The following PSMD12 variants were observed in gnomAD, a reference collection of about 807,000 sequenced individuals.
The protein encoded by PSMD12 is 26S proteasome non-ATPase regulatory subunit 12.
A neutral mutation model predicts 62.9 loss-of-function variants in PSMD12; 8 were observed. That is an observed-to-expected ratio of 0.13 (90% confidence interval 0.07 to 0.23). PSMD12 has a LOEUF of 0.23. PSMD12 is among the 10% of genes least tolerant of loss of function. The pLI is 1.00. For missense variants in PSMD12, 424 were observed against 550.2 expected (o/e 0.77, Z 2.29); for synonymous variants, 173 against 187.4 (o/e 0.92, Z 0.63).
Position 67,350,252 on chromosome 17 carries a change from G to C in PSMD12, c.382C>G (p.Leu128Val). The C allele has an allele frequency of 6.2e-7, 1 of 1,611,498 alleles. No individual in the cohort carries two copies. The highest frequency in any genetic ancestry group is 8.5e-7 in the Non-Finnish European group (1 of 1,178,576). ...ACCTTGCCTTCGGTAACCATTCGTA[G>C]AGTATCAATTAATCGAAGTTTGATA... is the stretch of plus-strand genomic sequence containing the variant. ...LPIKLRLIDT[L>V]RMVTEGKIYV... The change falls in exon 4 of 11, where the codon CTA becomes GTA. Residue 128 changes from leucine to valine, a missense_variant. Transcript: ENST00000356126.
chr17:67,342,788 T>C (rs574027185), intron 9 of PSMD12, among the ~76,000 whole-genome samples: 6 of 151,978 alleles, frequency 3.9e-5, no homozygotes, highest in African/African-American at 1.4e-4. Flanking sequence ...ATTTAAAAAT[T>C]AGCTGAATAT....
intron 1 of PSMD12, among the ~76,000 whole-genome samples, chr17:67,361,972 G>A (rs191283609): frequency 7.9e-6 from 1 of 125,944 alleles, no homozygotes; most frequent in East Asian, 2.7e-4. Flanking sequence ...TAGGCCTAGT[G>A]TTCCATTACT....
At chr17:67,345,900 A>C in intron 7 of PSMD12, 43 bp from the exon 8 acceptor site, 2 of 1,515,810 alleles carry the variant, frequency 1.3e-6, no homozygotes, top group Non-Finnish European at 1.8e-6. Context: ...ACTGGACATA[A>C]TGGAAACTTT....
intron 3 of PSMD12, among the ~76,000 whole-genome samples, chr17:67,352,079 T>A (rs866760809): frequency 3.2e-4 from 44 of 135,934 alleles, no homozygotes; most frequent in Middle Eastern, 3.7e-3. Flanking sequence ...AGAATCTCTC[T>A]CAAAAAAAAA....
At chr17:67,362,661 C>CA (rs1317675465) in intron 1 of PSMD12, 2,961 of 51,434 alleles carry the variant, frequency 0.058, 100 homozygotes, top group African/African-American at 0.15. Flanking sequence ...GAGTCCATCT[C>CA]AAAAAAAAAA....
At position 67,345,977 on chromosome 17, in the gene PSMD12, C is replaced by T. The variant is rs1487329196; in HGVS notation, c.796-120G>A. 1.5e-5 allele frequency: 13 copies of T among 868,762 alleles called. 1 individual carries two copies. The Admixed American group carries it at 2.3e-4, about 16-fold the overall frequency. 53.8% of individuals were successfully genotyped at this position (868,762 alleles called of 1,614,324 possible). ...CAAATTTTAAAGTCTTGGCCGGGCGCAGTGGCTCACGTCTGTAATCCCAGC... is the reference window on the plus strand; with the variant it reads ...CAAATTTTAAAGTCTTGGCCGGGCGTAGTGGCTCACGTCTGTAATCCCAGC... On this transcript the variant is annotated intron_variant, in intron 7 of 10. Transcript: ENST00000356126.
At position 67,341,039 on chromosome 17, in the gene PSMD12, A is replaced by G; in HGVS notation, c.1175T>C (p.Phe392Ser). 1 of 1,550,410 alleles carries G rather than the reference A, an allele frequency of 6.4e-7. No homozygotes were observed. The highest frequency in any genetic ancestry group is 8.6e-7 in the Non-Finnish European group (1 of 1,156,190). Reference sequence around the variant, plus strand: ...CTTGTTAACTACTAGATTTGAGAGAAAGGCTTCGGACTCCTGCAAGAGAGA... The same window carrying G: ...CTTGTTAACTACTAGATTTGAGAGAGAGGCTTCGGACTCCTGCAAGAGAGA... Reference protein sequence around the residue: ...LDLSVDESEAFLSNLVVNKTI... With the variant: ...LDLSVDESEASLSNLVVNKTI... The change falls in exon 11 of 11, where the codon TTT becomes TCT. Residue 392 changes from phenylalanine to serine, a missense_variant. Transcript: ENST00000356126.
chr17:67,365,116 G>C (rs533821668), intron 1 of PSMD12, among the ~76,000 whole-genome samples: 6 of 151,926 alleles, frequency 3.9e-5, no homozygotes, highest in African/African-American at 1.5e-4. Context: ...CCCGGGAGGC[G>C]GGGGTTGCAG....
Position 67,357,445 on chromosome 17 carries a change from A to G in PSMD12, c.169-14T>C, listed in dbSNP as rs1430585745. 1 of 1,613,454 alleles carries G rather than the reference A, an allele frequency of 6.2e-7. No homozygotes were observed. Among genetic ancestry groups the G allele is most frequent in the Non-Finnish European group, 8.5e-7 (1 of 1,179,608 alleles). On this transcript the variant is annotated splice_polypyrimidine_tract_variant and intron_variant, in intron 2 of 10. Coordinates refer to ENST00000356126, the MANE Select transcript of PSMD12 (RefSeq NM_002816.5). ...CATATCGGAAGCCTGTAAGGGTAAAAATATATTGAAAGTTAATGGAAGAAT... is the reference window on the plus strand; with the variant it reads ...CATATCGGAAGCCTGTAAGGGTAAAGATATATTGAAAGTTAATGGAAGAAT...
At chr17:67,350,867 C>T (rs1346334411) in intron 3 of PSMD12, among the ~76,000 whole-genome samples, 2 of 152,162 alleles carry the variant, frequency 1.3e-5, no homozygotes, top group Non-Finnish European at 2.9e-5. Flanking sequence ...GGTCACAAAT[C>T]AGCAAACATT....
At chr17:67,342,467 C>G (rs2041923916) in intron 9 of PSMD12, 2 of 440,230 alleles carry the variant, frequency 4.5e-6, no homozygotes, top group South Asian at 7.2e-5. Context: ...TGTAGTTATT[C>G]TGAATTACTA....
intron 1 of PSMD12, chr17:67,362,912 C>G (rs2042146287): frequency 6.6e-6 from 1 of 152,086 alleles, no homozygotes; most frequent in South Asian, 2.1e-4. Flanking sequence ...AGTATGAGTA[C>G]ATATCATTAT....
intron 9 of PSMD12, chr17:67,342,507 T>C (rs1048460596): frequency 2.4e-5 from 7 of 295,308 alleles, no homozygotes; most frequent in Non-Finnish European, 4.3e-5. Flanking sequence ...TTTAAATATA[T>C]AGTCAAAATA....
At position 67,366,562 on chromosome 17, in the gene PSMD12, A is replaced by AC. The variant is rs780475344; in HGVS notation, c.-44dup. The stretch of plus-strand genomic sequence containing the variant: ...CCCTTGCTGTCCCCCTGCTTCGGCC[A>AC]CCACTCGTCACCCACACCGGAAGTT... On this transcript the variant is annotated 5_prime_UTR_variant, in exon 1 of 11. Coordinates refer to ENST00000356126, the MANE Select transcript of PSMD12 (RefSeq NM_002816.5). 2.6e-6 allele frequency: 4 copies of AC among 1,534,742 alleles called. No homozygotes were observed. In the African/African-American group the frequency reaches 4.1e-5, roughly 16 times the overall value.
chr17:67,350,200 AT>A, intron 4 of PSMD12, 28 bp downstream of exon 4: 3 of 1,462,538 alleles, frequency 2.1e-6, no homozygotes, highest in Non-Finnish European at 2.8e-6. Context: ...AGTTCATATC[AT>A]TTTGAGTTAT....
chr17:67,350,314 T>C lies in PSMD12; in HGVS notation c.320A>G (p.Gln107Arg), dbSNP rs1305287216. 6.2e-7 allele frequency: 1 copy of C among 1,606,332 alleles called. No individual in the cohort carries two copies. Among genetic ancestry groups the C allele is most frequent in the Non-Finnish European group, 8.5e-7 (1 of 1,177,088 alleles). Residue 107 changes from glutamine (Q) to arginine (R), a missense_variant, in exon 4 of 11, where the codon CAG becomes CGG. By Grantham distance (43) the Gln-to-Arg change is conservative. Coordinates refer to ENST00000356126, the MANE Select transcript of PSMD12 (RefSeq NM_002816.5). Reference sequence around the variant, plus strand: ...GATTTCCTCAACATAAGTACAGCACTGTTGAACCATTTTGGCAACAGCCTA... The same window carrying C: ...GATTTCCTCAACATAAGTACAGCACCGTTGAACCATTTTGGCAACAGCCTA... ...LKQAVAKMVQ[Q>R]CCTYVEEITD... is the part of the protein sequence containing the mutation.
chr17:67,361,489 C>T (rs1460375097), intron 1 of PSMD12, among the ~76,000 whole-genome samples: 1 of 151,934 alleles, frequency 6.6e-6, no homozygotes, highest in Non-Finnish European at 1.5e-5. Flanking sequence ...GGCTGAGGCA[C>T]AAGAATCACT....
chr17:67,344,472 A>G, intron 9 of PSMD12, 134 bp downstream of exon 9: 1 of 840,740 alleles, frequency 1.2e-6, no homozygotes, highest in East Asian at 2.7e-5. Flanking sequence ...AACACATAAC[A>G]TCCTAAATGA....
At chr17:67,355,092 T>G (rs1040251292) in intron 3 of PSMD12, among the ~76,000 whole-genome samples, 1 of 147,862 alleles carries the variant, frequency 6.8e-6, no homozygotes, top group Non-Finnish European at 1.5e-5. Flanking sequence ...ATTTTTGGTT[T>G]TTTTTTTTTT....
Sources: allele counts gnomAD v4.1 joint callset (sites outside exome capture counted in the v4.1 genomes callset), GRCh38; gene constraint gnomAD v4.1.1; transcripts MANE v1.5; gene names NCBI Gene and HGNC (gene_info 2026-07-23, HGNC 2026-07-21).